FBXO34: variants seen among roughly 807,000 people sequenced by gnomAD.
FBXO34 encodes the protein F-box only protein 34.
In FBXO34, 12 loss-of-function variants were observed where a neutral mutation model predicts 24.5. The observed-to-expected ratio is 0.49, with a 90% CI of 0.31 to 0.79. The LOEUF is 0.79. FBXO34 is among the 30% of genes least tolerant of loss of function. The pLI is 0.04. For missense variants in FBXO34, 823 were observed against 857.7 expected (o/e 0.96, Z 0.51); for synonymous variants, 320 against 311.9 (o/e 1.03, Z -0.27).
the FBXO34 span, among the ~76,000 whole-genome samples, chr14:55,383,291 C>T: frequency 6.6e-6 from 1 of 152,172 alleles, no homozygotes; most frequent in Non-Finnish European, 1.5e-5. Flanking sequence ...TGATTCATGC[C>T]TGTAATCCCA....
chr14:55,342,316 C>T (rs1380417578), intron 1 of FBXO34, among the ~76,000 whole-genome samples: 1 of 152,162 alleles, frequency 6.6e-6, no homozygotes, highest in Admixed American at 6.5e-5. Context: ...TTCTATTACT[C>T]AGTATCCATT....
the FBXO34 span, chr14:55,411,585 C>T: frequency 3.5e-5 from 55 of 1,592,820 alleles, no homozygotes; most frequent in Middle Eastern, 3.5e-4. Flanking sequence ...ACAATAGGGC[C>T]GTGGCGGCCG....
At chr14:55,442,253 G>T in the FBXO34 span, among the ~76,000 whole-genome samples, 1 of 151,544 alleles carries the variant, frequency 6.6e-6, no homozygotes, top group Non-Finnish European at 1.5e-5. Context: ...GCTGGGCATG[G>T]TAGTGTGCGC....
the FBXO34 span, among the ~76,000 whole-genome samples, chr14:55,380,177 G>A: frequency 5.9e-5 from 9 of 152,170 alleles, no homozygotes; most frequent in South Asian, 1.7e-3. Context: ...GAAACTGTGA[G>A]GTGGAGGTTG....
chr14:55,380,765 T>C, the FBXO34 span: 1 of 974,348 alleles, frequency 1.0e-6, no homozygotes, highest in Non-Finnish European at 1.6e-6. Flanking sequence ...GAGTTTATCA[T>C]TTATGATTTT....
the FBXO34 span, among the ~76,000 whole-genome samples, chr14:55,439,772 T>C: frequency 6.6e-6 from 1 of 151,062 alleles, no homozygotes; most frequent in Non-Finnish European, 1.5e-5. Context: ...CTACTAAAAA[T>C]ACAAAAAAAT....
the FBXO34 span, chr14:55,424,092 A>G: frequency 8.8e-7 from 1 of 1,130,218 alleles, no homozygotes; most frequent in East Asian, 2.4e-5. Flanking sequence ...AAGGTATTTA[A>G]AAGAATAAGC....
rs1362412670 is a variant in FBXO34, at chr14:55,271,550, C to T, written c.-11+13C>T. ...GGCAGGAGCGCAGGTGGGTCCGGGCCGAGGTGGGGCGTGGCGCGAGGGCCG... is the reference window on the plus strand; with the variant it reads ...GGCAGGAGCGCAGGTGGGTCCGGGCTGAGGTGGGGCGTGGCGCGAGGGCCG... On this transcript the variant is annotated intron_variant, in intron 1 of 1. Coordinates refer to ENST00000313833, the MANE Select transcript of FBXO34 (RefSeq NM_017943.4). 4.7e-5 allele frequency: 7 copies of T among 149,560 alleles called. No homozygotes were observed. The highest frequency in any genetic ancestry group is 1.7e-4 in the African/African-American group (7 of 41,044). The allele number at this position is 149,560 out of a possible 1,614,324, so 9.3% of individuals were successfully genotyped here.
At chr14:55,439,617 C>CCCCCCCTCCG in the FBXO34 span, among the ~76,000 whole-genome samples, 1 of 72,628 alleles carries the variant, frequency 1.4e-5, no homozygotes, top group African/African-American at 4.5e-5. Context: ...AAAGCAAACC[C>CCCCCCCTCCG]CCCCCCGTCT....
the FBXO34 span, among the ~76,000 whole-genome samples, chr14:55,408,529 T>C: frequency 2.6e-5 from 4 of 151,508 alleles, no homozygotes; most frequent in Admixed American, 2.0e-4. Context: ...CCTAACACTT[T>C]GGGAGGCTGA....
At chr14:55,378,906 C>T in the FBXO34 span, among the ~76,000 whole-genome samples, 3 of 151,978 alleles carry the variant, frequency 2.0e-5, no homozygotes, top group East Asian at 3.9e-4. Flanking sequence ...CAAGGTCTCA[C>T]TATGTTTCCC....
the FBXO34 span, chr14:55,436,976 C>T: frequency 2.5e-6 from 4 of 1,614,142 alleles, no homozygotes; most frequent in Non-Finnish European, 2.5e-6. Flanking sequence ...TCATAAGGTA[C>T]AACTGGGCTG....
At chr14:55,301,496 G>T (rs1203171324) in intron 1 of FBXO34, among the ~76,000 whole-genome samples, 1 of 152,042 alleles carries the variant, frequency 6.6e-6, no homozygotes, top group Non-Finnish European at 1.5e-5. Context: ...GCATTGTTAG[G>T]TTTATTTTCT....
intron 1 of FBXO34, among the ~76,000 whole-genome samples, chr14:55,283,944 A>ATGTG (rs71131258): frequency 0.017 from 2,432 of 142,646 alleles, 41 homozygotes; most frequent in African/African-American, 0.044. Flanking sequence ...TTCTAAGACT[A>ATGTG]TGTGTGTGTG....
chr14:55,402,964 TATATAA>T, the FBXO34 span, among the ~76,000 whole-genome samples: 43 of 59,766 alleles, frequency 7.2e-4, no homozygotes, highest in East Asian at 1.3e-3. Context: ...TATATATATA[TATATAA>T]ATAGCTGGGC....
rs1884453077 is a variant in FBXO34 at position 55,353,218 on chromosome 14, A to G, written c.*692A>G. 1 of 166,976 alleles carries G rather than the reference A, an allele frequency of 6.0e-6. No individual in the cohort carries two copies. Among genetic ancestry groups the G allele is most frequent in the South Asian group, 2.1e-4 (1 of 4,826 alleles). 10.3% of individuals were successfully genotyped at this position (166,976 alleles called of 1,614,324 possible). ...ATCCAGTTGTATATAATGGACAGCTAACGGAACAATATAATCACCACAATG... is the reference window on the plus strand; with the variant it reads ...ATCCAGTTGTATATAATGGACAGCTGACGGAACAATATAATCACCACAATG... On this transcript the variant is annotated 3_prime_UTR_variant, in exon 2 of 2. Coordinates refer to ENST00000313833, the MANE Select transcript of FBXO34 (RefSeq NM_017943.4).
In FBXO34 at chr14:55,352,250, C is replaced by G; in HGVS notation, c.1860C>G (p.Arg620=). 6.2e-7 allele frequency: 1 copy of G among 1,614,166 alleles called. No individual in the cohort carries two copies. The highest frequency in any genetic ancestry group is 8.5e-7 in the Non-Finnish European group (1 of 1,180,020). The change falls in exon 2 of 2, where the codon CGC becomes CGG. Residue 620 remains arginine, a synonymous_variant. Coordinates refer to ENST00000313833, the MANE Select transcript of FBXO34 (RefSeq NM_017943.4). ...EYYNIRPADS[R]WVRDPRYRED... ...ACAATATCAGGCCAGCAGATTCTCG[C>G]TGGGTTCGAGATCCACGCTATAGAG...
At chr14:55,301,960 A>G (rs1045465284) in intron 1 of FBXO34, among the ~76,000 whole-genome samples, 1 of 152,226 alleles carries the variant, frequency 6.6e-6, no homozygotes, top group Non-Finnish European at 1.5e-5. Context: ...GATCAGTTCT[A>G]AGCATATAGG....
chr14:55,365,919 C>T (rs776610879), downstream of FBXO34, among the ~76,000 whole-genome samples: 2 of 152,094 alleles, frequency 1.3e-5, no homozygotes, highest in Non-Finnish European at 2.9e-5. Context: ...AGGGTACCGC[C>T]GACTACCCAC....
Sources: allele counts gnomAD v4.1 joint callset (sites outside exome capture counted in the v4.1 genomes callset), GRCh38; gene constraint gnomAD v4.1.1; transcripts MANE v1.5; gene names NCBI Gene and HGNC (gene_info 2026-07-23, HGNC 2026-07-21).